SLCO3A1: variants seen among roughly 807,000 people sequenced by gnomAD.
SLCO3A1 encodes the protein PGE1 transporter.
In SLCO3A1, 27 loss-of-function variants were observed where a neutral mutation model predicts 63.1. The observed-to-expected ratio is 0.43, with a 90% CI of 0.32 to 0.59. The LOEUF (loss-of-function observed/expected upper bound fraction) is 0.59. Among genes scored for constraint, SLCO3A1 ranks in the 20% least tolerant of loss-of-function variants. The probability of loss-of-function intolerance (pLI) is 0.09; values close to 1 mark genes in which losing one functional copy is unlikely to be tolerated. For missense variants in SLCO3A1, 773 were observed against 945.8 expected (o/e 0.82, Z 2.40); for synonymous variants, 473 against 409.9 (o/e 1.15, Z -1.86).
intron 2 of SLCO3A1, among the ~76,000 whole-genome samples, chr15:92,019,920 T>C (rs2046486469): frequency 1.3e-5 from 2 of 151,934 alleles, no homozygotes; most frequent in South Asian, 4.1e-4. Flanking sequence ...GGAGTCAGAG[T>C]GGCCTTCATG....
At chr15:92,116,323 T>TTAAGA (rs1453627412) in intron 4 of SLCO3A1, among the ~76,000 whole-genome samples, 2 of 152,242 alleles carry the variant, frequency 1.3e-5, no homozygotes, top group African/African-American at 4.8e-5. Context: ...CCTACAGGAA[T>TTAAGA]CTCTTAAAGA....
intron 1 of SLCO3A1, among the ~76,000 whole-genome samples, chr15:91,867,448 T>G (rs1446205825): frequency 2.0e-5 from 3 of 152,060 alleles, no homozygotes; most frequent in Non-Finnish European, 4.4e-5. Flanking sequence ...CTTTTGCATA[T>G]GTACAAATTA....
rs1898044504 is a variant in SLCO3A1 at position 91,897,802 on chromosome 15, T to C, written c.181-18191T>C. 6.6e-6 allele frequency among the ~76,000 whole-genome samples: 1 copy of C among 152,114 alleles called. No individual in the cohort carries two copies. Among genetic ancestry groups the C allele is most frequent in the Non-Finnish European group, 1.5e-5 (1 of 68,018 alleles). ...GTTGGAACAGACTGTTCTCTCTATT[T>C]TCTGACCTGCTCAGGCATCCTGCAA... On this transcript the variant is annotated intron_variant, in intron 1 of 9. Transcript: ENST00000318445. The surrounding 1 kb of genome is among the most constrained non-coding windows in gnomAD (Gnocchi z 4.7).
intron 2 of SLCO3A1, among the ~76,000 whole-genome samples, chr15:91,940,011 C>T (rs1306903181): frequency 6.6e-6 from 1 of 152,170 alleles, no homozygotes; most frequent in African/African-American, 2.4e-5. Flanking sequence ...ATGTACCCAG[C>T]CCCTACCATT....
At chr15:92,128,812 C>T (rs527383636) in intron 7 of SLCO3A1, among the ~76,000 whole-genome samples, 3 of 152,250 alleles carry the variant, frequency 2.0e-5, no homozygotes, top group African/African-American at 7.2e-5. Context: ...AGTGAGCTCC[C>T]CATCACCAGA....
At chr15:92,059,899 G>A (rs763900216) in intron 2 of SLCO3A1, among the ~76,000 whole-genome samples, 1 of 152,190 alleles carries the variant, frequency 6.6e-6, no homozygotes, top group Non-Finnish European at 1.5e-5. Context: ...ATCACAGGGT[G>A]TACTCACACA....
intron 8 of SLCO3A1, chr15:92,148,612 T>TATCA (rs2048262010): frequency 6.6e-6 from 1 of 152,198 alleles, no homozygotes; most frequent in Non-Finnish European, 1.5e-5. Flanking sequence ...GGGAAAAGGC[T>TATCA]ATCACTCCTT....
chr15:91,896,217 G>A (rs762482507), intron 1 of SLCO3A1, among the ~76,000 whole-genome samples: 3 of 152,064 alleles, frequency 2.0e-5, no homozygotes, highest in South Asian at 2.1e-4. Flanking sequence ...AAATGCTCCC[G>A]GCATAAGCAT....
In SLCO3A1 at chr15:92,014,124, T is replaced by C. The variant is rs191722699; in HGVS notation, c.647-80757T>C. Among the ~76,000 whole-genome samples, 624 of 152,206 alleles carry C rather than the reference T, an allele frequency of 4.1e-3. 9 individuals carry two copies. Among genetic ancestry groups the C allele is most frequent in the African/African-American group, 0.014 (581 of 41,510 alleles). On this transcript the variant is annotated intron_variant, in intron 2 of 9. Transcript: ENST00000318445. The stretch of plus-strand genomic sequence containing the variant: ...TTAAACCTGAGCCCATTTTCCTTTG[T>C]CTCGGCTGGCACCTTGGCAGGGGAG...
intron 2 of SLCO3A1, among the ~76,000 whole-genome samples, chr15:91,957,645 C>A (rs1900288562): frequency 6.6e-6 from 1 of 152,148 alleles, no homozygotes; most frequent in Admixed American, 6.5e-5. Flanking sequence ...CAGGGCTTTG[C>A]TCAGATACTA....
At chr15:92,015,831 G>C (rs1213522000) in intron 2 of SLCO3A1, among the ~76,000 whole-genome samples, 1 of 152,178 alleles carries the variant, frequency 6.6e-6, no homozygotes, top group East Asian at 1.9e-4. Flanking sequence ...CGAGCTTATA[G>C]GAACATGGCT....
intron 2 of SLCO3A1, among the ~76,000 whole-genome samples, chr15:92,093,820 C>T (rs1428738533): frequency 1.3e-5 from 2 of 152,006 alleles, no homozygotes; most frequent in African/African-American, 4.8e-5. Context: ...CGCCTATGAA[C>T]AGACTAGGCT....
intron 1 of SLCO3A1, among the ~76,000 whole-genome samples, chr15:91,888,846 A>ACAAAG (rs1897793507): frequency 6.6e-6 from 1 of 152,012 alleles, no homozygotes; most frequent in Non-Finnish European, 1.5e-5. Flanking sequence ...ACAAAACAAA[A>ACAAAG]AAAACAACAC....
intron 2 of SLCO3A1, among the ~76,000 whole-genome samples, chr15:91,939,738 C>G (rs1035516084): frequency 1.3e-5 from 2 of 152,158 alleles, no homozygotes; most frequent in Non-Finnish European, 2.9e-5. Flanking sequence ...TCCTACCCGC[C>G]TCCTCCATTC....
At chr15:92,013,852 G>A (rs1456183260) in intron 2 of SLCO3A1, among the ~76,000 whole-genome samples, 1 of 152,150 alleles carries the variant, frequency 6.6e-6, no homozygotes, top group Non-Finnish European at 1.5e-5. Context: ...ACCTCTCTGA[G>A]CCTCAGTTTC....
At position 91,900,618 on chromosome 15, in the gene SLCO3A1, C is replaced by T. The variant is rs547706288; in HGVS notation, c.181-15375C>T. ...TGCTGGGATTACAGGTGTGAGCCAC[C>T]GTGCCTGGCCTGTTTGTATTTTTCA... On this transcript the variant is annotated intron_variant, in intron 1 of 9. Transcript: ENST00000318445. This position sits in a 1 kb window ranked among gnomAD's most constrained non-coding sequence, Gnocchi z 4.3. 3.9e-5 allele frequency among the ~76,000 whole-genome samples: 6 copies of T among 152,266 alleles called. No individual in the cohort carries two copies. The highest frequency in any genetic ancestry group is 6.5e-5 in the Admixed American group (1 of 15,302).
rs138245643 is a variant in SLCO3A1, at chr15:92,030,494, T to G, written c.647-64387T>G. On this transcript the variant is annotated intron_variant, in intron 2 of 9. Transcript: ENST00000318445. The stretch of plus-strand genomic sequence containing the variant: ...CCATTACTATGCCGTCTAAGACAGA[T>G]TAAAAACCTGGTGTCTTTTCTGCTG... Among the ~76,000 whole-genome samples the G allele has an allele frequency of 1.5e-3, 228 of 152,278 alleles. 1 individual carries two copies. The highest frequency in any genetic ancestry group is 5.2e-3 in the African/African-American group (218 of 41,542).
Position 91,973,169 on chromosome 15 carries a change from A to T in SLCO3A1, c.646+56711A>T, listed in dbSNP as rs552345460. On this transcript the variant is annotated intron_variant, in intron 2 of 9. Transcript: ENST00000318445. ...CCCTGGGGCAGGGGAACTGAGGCAA[A>T]AGGGTGGGGATTGCAACCCCTCTGC... Among the ~76,000 whole-genome samples the T allele has an allele frequency of 3.3e-5, 5 of 152,300 alleles. No homozygotes were observed. The South Asian group carries it at 8.3e-4, about 25-fold the overall frequency.
intron 4 of SLCO3A1, among the ~76,000 whole-genome samples, chr15:92,109,068 A>G (rs1253462280): frequency 1.3e-5 from 2 of 152,178 alleles, no homozygotes; most frequent in African/African-American, 4.8e-5. Flanking sequence ...GAAGTAATAA[A>G]TGAATACTTT....
Sources: gnomAD v4.1 joint callset for allele counts (sites outside exome capture counted in the v4.1 genomes callset) on GRCh38, gnomAD v4.1.1 for gene constraint, Gnocchi (gnomAD v3.1) non-coding constraint, MANE v1.5 for transcripts, NCBI Gene and HGNC (gene_info 2026-07-23, HGNC 2026-07-21) for gene names.